The following AK7 variants were observed in gnomAD, a reference collection of about 807,000 sequenced individuals.
AK7 encodes the protein adenylate kinase 7, also known as ATP-AMP transphosphorylase 7.
In AK7, 78 loss-of-function variants were observed where a neutral mutation model predicts 96.6. That is an observed-to-expected ratio of 0.81 (90% CI 0.67 to 0.97). AK7 has a LOEUF of 0.97. AK7 is among the 50% of genes least tolerant of loss of function. The pLI, the probability that AK7 is intolerant of heterozygous loss-of-function variation, is 0.00. For synonymous variants in AK7, 302 were observed against 317.2 expected (o/e 0.95, Z 0.51); for missense variants, 855 against 887.9 (o/e 0.96, Z 0.47).
chr14:96,458,867 G>A (rs1435190953), intron 12 of AK7, among the ~76,000 whole-genome samples: 1 of 131,856 alleles, frequency 7.6e-6, no homozygotes, highest in Non-Finnish European at 1.5e-5. Context: ...CCATGATCAT[G>A]CCCTTGCACT....
At chr14:96,459,292 C>T (rs1399220903) in intron 12 of AK7, among the ~76,000 whole-genome samples, 6 of 151,666 alleles carry the variant, frequency 4.0e-5, no homozygotes, top group Admixed American at 2.0e-4. Context: ...GAGCCGAGAT[C>T]GTGCCACTGC....
intron 4 of AK7, among the ~76,000 whole-genome samples, chr14:96,418,355 T>TA (rs1891475308): frequency 1.2e-5 from 1 of 80,182 alleles, no homozygotes; most frequent in Non-Finnish European, 2.8e-5. Flanking sequence ...AATCCTTCCA[T>TA]AGCCTTTTAT....
chr14:96,419,087 T>C (rs985716301), intron 4 of AK7, among the ~76,000 whole-genome samples: 1 of 152,224 alleles, frequency 6.6e-6, no homozygotes, highest in Admixed American at 6.5e-5. Context: ...TTTGGTTGCA[T>C]CCCTCTATGG....
At chr14:96,413,041 T>A (rs189635273) in intron 4 of AK7, among the ~76,000 whole-genome samples, 5 of 152,338 alleles carry the variant, frequency 3.3e-5, no homozygotes, top group East Asian at 1.9e-4. Context: ...ACAAATTGTA[T>A]TCTGTAAGTC....
At chr14:96,408,341 C>G (rs912899374) in intron 3 of AK7, among the ~76,000 whole-genome samples, 10 of 152,212 alleles carry the variant, frequency 6.6e-5, no homozygotes, top group Admixed American at 1.3e-4. Flanking sequence ...GGACTCTGCC[C>G]CATCACTTCC....
intron 13 of AK7, among the ~76,000 whole-genome samples, chr14:96,471,974 G>C (rs932195577): frequency 1.3e-5 from 2 of 151,838 alleles, no homozygotes; most frequent in African/African-American, 4.8e-5. Context: ...AAAACTTTAC[G>C]CCTGTTGATT....
Position 96,472,694 on chromosome 14 carries a change from T to C in AK7, c.1494T>C (p.Asp498=). The C allele has an allele frequency of 6.2e-7, 1 of 1,612,670 alleles. No individual in the cohort carries two copies. The highest frequency in any genetic ancestry group is 1.1e-5 in the South Asian group (1 of 91,044). ...AATATTTTGTTTTCTTAGAGGAAGA[T>C]GAGGAGGAGGAAGATGATGTCAGAG... ...DQAKDLFNQE[D]EEEEDDVRGR... is the part of the protein sequence containing the mutation. Residue 498 remains aspartate, a synonymous_variant, in exon 14 of 18, where the codon GAT becomes GAC. Coordinates refer to ENST00000267584, the MANE Select transcript of AK7 (RefSeq NM_152327.5).
chr14:96,408,717 G>T, intron 3 of AK7, 130 bp from the exon 4 acceptor site: 1 of 722,052 alleles, frequency 1.4e-6, no homozygotes. Context: ...GATGGGAACA[G>T]GTCAAAGAAG....
chr14:96,472,871 C>T, intron 14 of AK7, 116 bp downstream of exon 14: 4 of 732,172 alleles, frequency 5.5e-6, no homozygotes, highest in Non-Finnish European at 6.9e-6. Context: ...CACCTGAGGT[C>T]AGGAGTTCAA....
At position 96,420,950 on chromosome 14, in the gene AK7, G is replaced by C; in HGVS notation, c.609+18G>C. 1 of 1,487,640 alleles carries C rather than the reference G, an allele frequency of 6.7e-7. No homozygotes were observed. Among genetic ancestry groups the C allele is most frequent in the Non-Finnish European group, 9.4e-7 (1 of 1,067,276 alleles). The allele number at this position is 1,487,640 out of a possible 1,614,324, so 92.2% of individuals were successfully genotyped here. On this transcript the variant is annotated intron_variant, in intron 5 of 17. Coordinates refer to ENST00000267584, the MANE Select transcript of AK7 (RefSeq NM_152327.5). ...GAAAAAAGGTAAGTCTGGCATAGTGGAACATGGACATCATCTGAAGTCTTT... is the reference window on the plus strand; with the variant it reads ...GAAAAAAGGTAAGTCTGGCATAGTGCAACATGGACATCATCTGAAGTCTTT...
In AK7 at chr14:96,476,462, G is replaced by A. The variant is rs193301389; in HGVS notation, c.1556-2003G>A. Among the ~76,000 whole-genome samples, 100 of 147,328 alleles carry A rather than the reference G, an allele frequency of 6.8e-4. 1 individual carries two copies. The East Asian group carries it at 0.014, about 21-fold the overall frequency. On this transcript the variant is annotated intron_variant, in intron 14 of 17. Coordinates refer to ENST00000267584, the MANE Select transcript of AK7 (RefSeq NM_152327.5). ...AGAGGTTGCAGTGAGCCAAGATCGC[G>A]CCACCGCACTCCAGCCTGGGGGACA...
intron 5 of AK7, among the ~76,000 whole-genome samples, chr14:96,422,402 C>T (rs1891754536): frequency 6.6e-6 from 1 of 152,156 alleles, no homozygotes; most frequent in African/African-American, 2.4e-5. Context: ...ACTGGTTAGA[C>T]CAGAAATTCT....
chr14:96,477,537 CCTTGGAAAGTTTATTT>C (rs1895254070), intron 14 of AK7, among the ~76,000 whole-genome samples: 1 of 152,112 alleles, frequency 6.6e-6, no homozygotes, highest in Non-Finnish European at 1.5e-5. Context: ...TCACAACTCA[CCTTGGAAAGTTTATTT>C]CACTGATCCA....
intron 1 of AK7, among the ~76,000 whole-genome samples, chr14:96,393,783 C>T (rs537713320): frequency 9.2e-5 from 14 of 152,118 alleles, no homozygotes; most frequent in South Asian, 2.1e-4. Context: ...TGGGGGTAGA[C>T]GCTATTTAAC....
At chr14:96,413,211 G>A (rs1880732036) in intron 4 of AK7, among the ~76,000 whole-genome samples, 2 of 152,168 alleles carry the variant, frequency 1.3e-5, no homozygotes, top group African/African-American at 2.4e-5. Flanking sequence ...AGGACAAAGA[G>A]GGTCCCCACC....
chr14:96,396,920 C>T (rs1187429668), intron 1 of AK7, among the ~76,000 whole-genome samples: 1 of 152,100 alleles, frequency 6.6e-6, no homozygotes, highest in Non-Finnish European at 1.5e-5. Flanking sequence ...TACCCCATTT[C>T]TACAAAAATA....
At position 96,488,335 on chromosome 14, in the gene AK7, G is replaced by A. The variant is rs1038785988; in HGVS notation, c.2164G>A (p.Ala722Thr). The change falls in exon 18 of 18, where the codon GCA (alanine) becomes ACA (threonine). Residue 722 changes from alanine (A) to threonine (T), a missense_variant. Physicochemically the swap from Ala to Thr is moderately conservative, Grantham distance 58. Transcript: ENST00000267584. ...AEYLFKNNPE[A>T]Q ...ATATCTCTTCAAGAACAATCCTGAAGCACAGTGAAACTTGAAAGATCTGGT... is the reference window on the plus strand; with the variant it reads ...ATATCTCTTCAAGAACAATCCTGAAACACAGTGAAACTTGAAAGATCTGGT... 7 of 1,611,560 alleles carry A rather than the reference G, an allele frequency of 4.3e-6. No individual in the cohort carries two copies. Among genetic ancestry groups the A allele is most frequent in the African/African-American group, 2.7e-5 (2 of 74,860 alleles).
intron 16 of AK7, among the ~76,000 whole-genome samples, 177 bp downstream of exon 16, chr14:96,483,396 T>C (rs1357811098): frequency 2.0e-5 from 3 of 152,024 alleles, no homozygotes; most frequent in East Asian, 3.9e-4. Flanking sequence ...AGGATATCCA[T>C]GGTCTTTTGC....
intron 4 of AK7, among the ~76,000 whole-genome samples, chr14:96,419,776 T>TTTC (rs1555378073): frequency 0.013 from 1,835 of 139,814 alleles, 60 homozygotes; most frequent in African/African-American, 0.049. Flanking sequence ...AAGCATTTTT[T>TTTC]TTTCTTTCTT....
Sources: allele counts gnomAD v4.1 joint callset (sites outside exome capture counted in the v4.1 genomes callset), GRCh38; gene constraint gnomAD v4.1.1; transcripts MANE v1.5; gene names NCBI Gene and HGNC (gene_info 2026-07-23, HGNC 2026-07-21).